ASAP2: variants seen among roughly 807,000 people sequenced by gnomAD.
ASAP2 encodes ArfGAP with SH3 domain, ankyrin repeat and PH domain 2.
Under a neutral mutation model 131.4 loss-of-function variants are expected in ASAP2, and 45 were observed. The observed-to-expected ratio is 0.34, with a 90% CI of 0.27 to 0.44. The LOEUF (loss-of-function observed/expected upper bound fraction) is 0.44. Ranked by LOEUF, ASAP2 falls within the 20% of genes least tolerant of loss-of-function variation. ASAP2 has a pLI of 1.00. For synonymous variants in ASAP2, 510 were observed against 503.0 expected (o/e 1.01, Z -0.19); for missense variants, 1,011 against 1,297.0 (o/e 0.78, Z 3.39).
chr2:9,344,501 G>C, intron 9 of ASAP2, 31 bp from the exon 10 acceptor site: 1 of 1,574,716 alleles, frequency 6.4e-7, no homozygotes, highest in Non-Finnish European at 8.7e-7. Flanking sequence ...ACCTGGACAA[G>C]ATTAAAAACA....
At chr2:9,375,529 G>T (rs1215791158) in intron 17 of ASAP2, among the ~76,000 whole-genome samples, 1 of 152,112 alleles carries the variant, frequency 6.6e-6, no homozygotes. Flanking sequence ...TACCTCACAG[G>T]CTCATCCATT....
At chr2:9,319,111 C>T (rs1329426078) in intron 4 of ASAP2, among the ~76,000 whole-genome samples, 4 of 152,018 alleles carry the variant, frequency 2.6e-5, no homozygotes, top group Non-Finnish European at 5.9e-5. Context: ...AAGGGGGCAG[C>T]AGACGGGGCT....
chr2:9,269,191 A>G (rs963348581), intron 1 of ASAP2, among the ~76,000 whole-genome samples: 1 of 152,160 alleles, frequency 6.6e-6, no homozygotes, highest in Non-Finnish European at 1.5e-5. Flanking sequence ...TATAAAAATA[A>G]TAATGGAGTA....
intron 2 of ASAP2, among the ~76,000 whole-genome samples, chr2:9,290,146 G>A (rs925262497): frequency 1.4e-4 from 21 of 152,146 alleles, no homozygotes; most frequent in Admixed American, 2.0e-4. Flanking sequence ...TGTCCCTCCC[G>A]TCACCTTGTC....
At chr2:9,263,808 C>T (rs1243661528) in intron 1 of ASAP2, among the ~76,000 whole-genome samples, 3 of 152,168 alleles carry the variant, frequency 2.0e-5, no homozygotes, top group Admixed American at 6.5e-5. Context: ...AGTTGACGGC[C>T]GTCTGGAGGT....
chr2:9,226,575 G>A (rs1662784946), intron 1 of ASAP2, among the ~76,000 whole-genome samples: 1 of 152,196 alleles, frequency 6.6e-6, no homozygotes, highest in Non-Finnish European at 1.5e-5. Flanking sequence ...GGAGTTGGGA[G>A]GAAGCCTCAC....
intron 24 of ASAP2, chr2:9,399,206 T>C (rs1012397910): frequency 6.6e-6 from 1 of 152,318 alleles, no homozygotes; most frequent in Non-Finnish European, 1.5e-5. Flanking sequence ...GAGCGTACAG[T>C]GGAAAGAATC....
chr2:9,281,317 CG>C lies in ASAP2; in HGVS notation c.199+1929del, dbSNP rs1195147196. ...AAACACTGGCTGTGTAGCTGCTGCT[CG>C]TCTGGAGGAGAGACTTGTGTGACTC... On this transcript the variant is annotated intron_variant, in intron 2 of 27. Coordinates refer to ENST00000281419, the MANE Select transcript of ASAP2 (RefSeq NM_003887.3). The surrounding 1 kb of genome is among the most constrained non-coding windows in gnomAD (Gnocchi z 4.0). Among the ~76,000 whole-genome samples, 1 of 152,146 alleles carries C rather than the reference CG, an allele frequency of 6.6e-6. No homozygotes were observed.
intron 3 of ASAP2, among the ~76,000 whole-genome samples, chr2:9,298,483 G>A (rs1326810283): frequency 6.6e-6 from 1 of 152,186 alleles, no homozygotes; most frequent in African/African-American, 2.4e-5. Flanking sequence ...CTCTGCTCGA[G>A]CTTTTCACTT....
intron 1 of ASAP2, 79 bp from the exon 2 acceptor site, chr2:9,279,238 G>A: frequency 1.5e-6 from 2 of 1,369,846 alleles, no homozygotes. Context: ...GGCAATCAGA[G>A]TGGCACTCAA....
intron 9 of ASAP2, among the ~76,000 whole-genome samples, chr2:9,339,925 T>C (rs1166667543): frequency 6.6e-6 from 1 of 152,212 alleles, no homozygotes; most frequent in Non-Finnish European, 1.5e-5. Flanking sequence ...CATTTCCTGT[T>C]TACCTCACTT....
chr2:9,255,219 T>C (rs1456332058), intron 1 of ASAP2, among the ~76,000 whole-genome samples: 1 of 152,252 alleles, frequency 6.6e-6, no homozygotes, highest in African/African-American at 2.4e-5. Flanking sequence ...TGTCTATACT[T>C]GTACCATGTA....
chr2:9,219,358 T>C (rs927394841), intron 1 of ASAP2, among the ~76,000 whole-genome samples: 4 of 152,188 alleles, frequency 2.6e-5, no homozygotes, highest in Admixed American at 2.0e-4. Context: ...GAGAGCGGGA[T>C]TGGAGTTGTA....
At chr2:9,272,067 A>G (rs1395491545) in intron 1 of ASAP2, among the ~76,000 whole-genome samples, 2 of 152,104 alleles carry the variant, frequency 1.3e-5, no homozygotes, top group Admixed American at 6.5e-5. Context: ...TCTTTTGGGT[A>G]TGTACACAGC....
intron 1 of ASAP2, among the ~76,000 whole-genome samples, chr2:9,247,543 T>TA (rs1264849562): frequency 9.2e-5 from 14 of 152,238 alleles, no homozygotes; most frequent in African/African-American, 2.4e-5. Flanking sequence ...GAAGGGTTTT[T>TA]AAGGCAGCCA....
chr2:9,323,329 A>T, intron 6 of ASAP2, 79 bp downstream of exon 6: 2 of 1,555,784 alleles, frequency 1.3e-6, no homozygotes, highest in Middle Eastern at 1.7e-4. Flanking sequence ...TCTCACCGGT[A>T]CCAGCGGCTT....
chr2:9,379,998 A>T (rs1674703718), intron 19 of ASAP2, among the ~76,000 whole-genome samples: 1 of 149,968 alleles, frequency 6.7e-6, no homozygotes, highest in African/African-American at 2.5e-5. Flanking sequence ...CTCAAAAAAA[A>T]AAAAATAAAT....
intron 11 of ASAP2, 22 bp from the exon 12 acceptor site, chr2:9,350,786 G>T (rs1177376157): frequency 1.2e-6 from 2 of 1,602,570 alleles, no homozygotes; most frequent in Admixed American, 3.4e-5. Flanking sequence ...AACCTTTTTT[G>T]TTGTTTTTTG....
At chr2:9,244,603 C>A (rs926680992) in intron 1 of ASAP2, among the ~76,000 whole-genome samples, 2 of 152,164 alleles carry the variant, frequency 1.3e-5, no homozygotes, top group African/African-American at 4.8e-5. Context: ...AGAAGCACTT[C>A]GCATTAAGCT....
Sources: gnomAD v4.1 joint callset for allele counts (sites outside exome capture counted in the v4.1 genomes callset) on GRCh38, gnomAD v4.1.1 for gene constraint, Gnocchi (gnomAD v3.1) non-coding constraint, MANE v1.5 for transcripts, NCBI Gene and HGNC (gene_info 2026-07-23, HGNC 2026-07-21) for gene names.